The following EPB41L4A variants were observed in gnomAD, a reference collection of about 807,000 sequenced individuals.
EPB41L4A encodes the protein band 4.1-like protein 4A.
A neutral mutation model predicts 108.6 loss-of-function variants in EPB41L4A; 100 were observed. That is an observed-to-expected ratio of 0.92 (90% confidence interval 0.78 to 1.09). The LOEUF (loss-of-function observed/expected upper bound fraction) is 1.09. EPB41L4A is among the 50% of genes least tolerant of loss of function. EPB41L4A has a pLI of 0.00. For synonymous variants in EPB41L4A, 319 were observed against 289.0 expected (o/e 1.10, Z -1.05); for missense variants, 1,030 against 842.7 (o/e 1.22, Z -2.75).
chr5:112,260,110 A>G (rs1751394363), intron 7 of EPB41L4A, 131 bp from the exon 8 acceptor site: 2 of 684,376 alleles, frequency 2.9e-6, no homozygotes, highest in Non-Finnish European at 5.0e-6. Context: ...CAGCCTAGAA[A>G]GCTAGATACA....
intron 1 of EPB41L4A, among the ~76,000 whole-genome samples, chr5:112,383,844 G>A (rs1760322203): frequency 6.6e-6 from 1 of 151,994 alleles, no homozygotes; most frequent in South Asian, 2.1e-4. Flanking sequence ...GGGACAAAAA[G>A]TTATCTGTCA....
intron 1 of EPB41L4A, among the ~76,000 whole-genome samples, chr5:112,349,080 C>T (rs1757870354): frequency 6.6e-6 from 1 of 152,168 alleles, no homozygotes. Flanking sequence ...TCAAATGACA[C>T]CGCAGAGGAC....
intron 1 of EPB41L4A, among the ~76,000 whole-genome samples, chr5:112,322,179 T>C (rs539237016): frequency 2.0e-5 from 3 of 152,208 alleles, no homozygotes; most frequent in Non-Finnish European, 4.4e-5. Flanking sequence ...TAGCACTGCA[T>C]CTTCTCATAA....
At chr5:112,369,333 C>G (rs1487461885) in intron 1 of EPB41L4A, among the ~76,000 whole-genome samples, 9 of 152,204 alleles carry the variant, frequency 5.9e-5, no homozygotes, top group Non-Finnish European at 1.3e-4. Context: ...CTTCCTGCCT[C>G]TAGTTTAAGC....
intron 17 of EPB41L4A, among the ~76,000 whole-genome samples, chr5:112,186,449 T>C (rs1044820880): frequency 1.3e-5 from 2 of 152,182 alleles, no homozygotes; most frequent in South Asian, 4.1e-4. Flanking sequence ...GCTATAATAG[T>C]AATAAGGACC....
chr5:112,385,295 G>A (rs1190054438), intron 1 of EPB41L4A, among the ~76,000 whole-genome samples: 1 of 152,104 alleles, frequency 6.6e-6, no homozygotes, highest in Non-Finnish European at 1.5e-5. Context: ...TTCAACTTGG[G>A]AAGTTTGGAA....
At chr5:112,288,357 G>C (rs895030427) in intron 2 of EPB41L4A, among the ~76,000 whole-genome samples, 3 of 152,134 alleles carry the variant, frequency 2.0e-5, no homozygotes, top group Non-Finnish European at 4.4e-5. Context: ...GGCTGAAAGG[G>C]ACAGAGATAC....
intron 17 of EPB41L4A, among the ~76,000 whole-genome samples, chr5:112,186,926 G>C (rs745953299): frequency 1.6e-4 from 25 of 152,146 alleles, no homozygotes; most frequent in Admixed American, 2.0e-4. Flanking sequence ...AGTGAATAAA[G>C]AAATCTTTAA....
chr5:112,209,915 A>C lies in EPB41L4A; in HGVS notation c.1155T>G (p.Ile385Met). The change falls in exon 13 of 23, where the codon ATT (isoleucine) becomes ATG (methionine). Residue 385 changes from isoleucine to methionine, a missense_variant. Coordinates refer to ENST00000261486, the MANE Select transcript of EPB41L4A (RefSeq NM_022140.5). ...ACCTTTTTACTGGTGAAGGTGCAAT[A>C]ATTTTAATTGTTCCTTCATTTTCTC... ...ENGENEGTIK[I>M]IAPSPVKSFK... 5.0e-6 allele frequency: 8 copies of C among 1,604,988 alleles called. No homozygotes were observed. Among genetic ancestry groups the C allele is most frequent in the Non-Finnish European group, 6.0e-6 (7 of 1,173,204 alleles).
chr5:112,148,930 T>G (rs116689518), intron 12 of EPB41L4A, among the ~76,000 whole-genome samples: 1,702 of 152,334 alleles, frequency 0.011, 27 homozygotes, highest in African/African-American at 0.038. Flanking sequence ...ATCTTCCATT[T>G]CATTGACAGG....
chr5:112,314,508 A>T (rs1339501014), intron 1 of EPB41L4A, among the ~76,000 whole-genome samples: 58 of 7,912 alleles, frequency 7.3e-3, no homozygotes, highest in Non-Finnish European at 0.018. Context: ...TCGCTACTAA[A>T]AAAAAAAAAA....
chr5:112,252,937 G>T (rs1303443262), intron 9 of EPB41L4A, among the ~76,000 whole-genome samples: 1 of 152,054 alleles, frequency 6.6e-6, no homozygotes, highest in Non-Finnish European at 1.5e-5. Flanking sequence ...AAAAGGGAGA[G>T]AAGGCAGTGC....
intron 1 of EPB41L4A, among the ~76,000 whole-genome samples, chr5:112,402,663 G>GA (rs889221083): frequency 2.4e-4 from 37 of 152,108 alleles, no homozygotes; most frequent in African/African-American, 7.7e-4. Context: ...CCCCTGGGGA[G>GA]AAAAAAAATC....
chr5:112,337,347 T>G (rs1340777395), intron 1 of EPB41L4A, among the ~76,000 whole-genome samples: 1 of 152,216 alleles, frequency 6.6e-6, no homozygotes, highest in Non-Finnish European at 1.5e-5. Context: ...CCACATCCCC[T>G]ATGTCAAACG....
chr5:112,309,515 T>G (rs1754911895), intron 1 of EPB41L4A, among the ~76,000 whole-genome samples: 1 of 152,172 alleles, frequency 6.6e-6, no homozygotes, highest in African/African-American at 2.4e-5. Flanking sequence ...ATGGTTGTCT[T>G]TTATATCCTT....
chr5:112,257,569 G>A (rs1161277358), intron 9 of EPB41L4A, among the ~76,000 whole-genome samples: 1 of 152,194 alleles, frequency 6.6e-6, no homozygotes, highest in African/African-American at 2.4e-5. Context: ...TGAAGTCCAA[G>A]AAGATGAAAG....
intron 1 of EPB41L4A, among the ~76,000 whole-genome samples, chr5:112,326,982 C>T (rs1048131983): frequency 3.9e-5 from 6 of 152,168 alleles, no homozygotes; most frequent in Non-Finnish European, 7.3e-5. Context: ...TTAACCCTCA[C>T]GACTATACTA....
At chr5:112,314,524 AAAAAAAAAAAAAAAG>A (rs1214591202) in intron 1 of EPB41L4A, among the ~76,000 whole-genome samples, 14 of 132,092 alleles carry the variant, frequency 1.1e-4, no homozygotes, top group African/African-American at 3.5e-4. Context: ...AAAAAAAAAA[AAAAAAAAAAAAAAAG>A]AAAAGAAATT....
In EPB41L4A at chr5:112,330,094, T is replaced by C. The variant is rs183404690; in HGVS notation, c.100-22604A>G. On this transcript the variant is annotated intron_variant, in intron 1 of 22. Transcript: ENST00000261486. Reference sequence around the variant, plus strand: ...AAGTATACTTTATACTTTTAAAGTATATGGTAGCAAGAACGGCTTGCTACC... The same window carrying C: ...AAGTATACTTTATACTTTTAAAGTACATGGTAGCAAGAACGGCTTGCTACC... 1.5e-3 allele frequency among the ~76,000 whole-genome samples: 235 copies of C among 151,930 alleles called. 3 individuals carry two copies. The highest frequency in any genetic ancestry group is 5.5e-3 in the African/African-American group (227 of 41,450).
Sources: gnomAD v4.1 joint callset for allele counts (sites outside exome capture counted in the v4.1 genomes callset) on GRCh38, gnomAD v4.1.1 for gene constraint, MANE v1.5 for transcripts, NCBI Gene and HGNC (gene_info 2026-07-23, HGNC 2026-07-21) for gene names.